Variants in RBM33 observed in about 807,000 individuals in gnomAD.
The protein encoded by RBM33 is RNA binding motif protein 33.
RBM33 carries 28 observed loss-of-function variants against 132.6 expected under a neutral mutation model. That is an observed-to-expected ratio of 0.21 (90% CI 0.16 to 0.29). RBM33 has a LOEUF of 0.29. RBM33 is among the 10% of genes least tolerant of loss of function. The probability of loss-of-function intolerance (pLI) is 1.00; values close to 1 mark genes in which losing one functional copy is unlikely to be tolerated. For synonymous variants in RBM33, 634 were observed against 593.0 expected (o/e 1.07, Z -1.01); for missense variants, 1,291 against 1,518.5 (o/e 0.85, Z 2.49).
chr7:155,674,791 A>G (rs1237802873), intron 3 of RBM33, among the ~76,000 whole-genome samples: 1 of 152,190 alleles, frequency 6.6e-6, no homozygotes, highest in Non-Finnish European at 1.5e-5. Flanking sequence ...GAGGGGCTGT[A>G]TCTGCTTTGG....
chr7:155,759,412 G>GTT (rs1801955596), intron 14 of RBM33, among the ~76,000 whole-genome samples: 1 of 128,646 alleles, frequency 7.8e-6, no homozygotes, highest in Admixed American at 7.6e-5. Context: ...CAATGTTTAT[G>GTT]TTCTTTTTTT....
chr7:155,676,938 A>C (rs1799200388), intron 3 of RBM33, among the ~76,000 whole-genome samples: 1 of 152,220 alleles, frequency 6.6e-6, no homozygotes, highest in Non-Finnish European at 1.5e-5. Context: ...TATTTGCTTG[A>C]TGCCTTCTTG....
intron 1 of RBM33, among the ~76,000 whole-genome samples, chr7:155,653,323 G>A (rs1393639298): frequency 6.6e-6 from 1 of 152,102 alleles, no homozygotes; most frequent in African/African-American, 2.4e-5. Context: ...TCTAAATAAG[G>A]CCACATTCTG....
chr7:155,660,310 A>G (rs1392778675), intron 1 of RBM33, among the ~76,000 whole-genome samples: 1 of 152,210 alleles, frequency 6.6e-6, no homozygotes, highest in Admixed American at 6.5e-5. Context: ...CCTGGCCTCA[A>G]GCGACTACCT....
At chr7:155,759,095 A>G (rs541238001) in intron 14 of RBM33, among the ~76,000 whole-genome samples, 1 of 152,246 alleles carries the variant, frequency 6.6e-6, no homozygotes, top group African/African-American at 2.4e-5. Flanking sequence ...GAAAGTCGTC[A>G]ACGAGGTATG....
At chr7:155,705,247 A>G (rs751436584) in intron 6 of RBM33, among the ~76,000 whole-genome samples, 1 of 152,286 alleles carries the variant, frequency 6.6e-6, no homozygotes, top group African/African-American at 2.4e-5. Flanking sequence ...GCTTGTCTCA[A>G]TTGGAGGAAA....
Position 155,700,762 on chromosome 7 carries a change from C to A in RBM33, c.568-11C>A. ...ACTGTCCTTTTTTTGCCTTGTGTAT[C>A]TGCAATATAGGGAGGTATGGAAACA... On this transcript the variant is annotated splice_polypyrimidine_tract_variant and intron_variant, in intron 5 of 17. Transcript: ENST00000401878. 1.3e-6 allele frequency: 2 copies of A among 1,541,566 alleles called. No individual in the cohort carries two copies. Among genetic ancestry groups the A allele is most frequent in the South Asian group, 2.5e-5 (2 of 81,592 alleles).
chr7:155,675,764 C>T (rs1414765760), intron 3 of RBM33, among the ~76,000 whole-genome samples: 2 of 152,146 alleles, frequency 1.3e-5, no homozygotes, highest in African/African-American at 4.8e-5. Flanking sequence ...GAATTCTGGC[C>T]TGAGGGTGGA....
At chr7:155,657,720 GT>G (rs1798530917) in intron 1 of RBM33, among the ~76,000 whole-genome samples, 3 of 152,136 alleles carry the variant, frequency 2.0e-5, no homozygotes, top group African/African-American at 4.8e-5. Context: ...TTGTGATTAA[GT>G]ACTAATTTCT....
chr7:155,741,923 G>C lies in RBM33; in HGVS notation c.2154G>C (p.Val718=). The part of the protein sequence containing the change: ...LRELPIAPSH[V]IEMSSSRCSA... ...AATTACCCATAGCGCCGTCACACGT[G>C]ATAGAAATGAGCAGCAGCCGCTGCT... Residue 718 remains valine, a synonymous_variant, in exon 13 of 18, where the codon GTG becomes GTC. Transcript: ENST00000401878. The C allele has an allele frequency of 6.2e-7, 1 of 1,614,002 alleles. No individual in the cohort carries two copies. The highest frequency in any genetic ancestry group is 8.5e-7 in the Non-Finnish European group (1 of 1,179,888).
At chr7:155,698,222 C>T (rs555558841) in intron 5 of RBM33, among the ~76,000 whole-genome samples, 51 of 152,206 alleles carry the variant, frequency 3.4e-4, no homozygotes, top group African/African-American at 1.1e-3. Flanking sequence ...CAAAAATTAG[C>T]CTGGCGTGGT....
chr7:155,712,433 A>G (rs1262697945), intron 8 of RBM33, among the ~76,000 whole-genome samples: 1 of 152,246 alleles, frequency 6.6e-6, no homozygotes, highest in Admixed American at 6.5e-5. Flanking sequence ...TTCTTCAACC[A>G]TGATATTACT....
rs1279003872 is a variant in RBM33 at position 155,777,324 on chromosome 7, GAAAGGTGATTGGC to G, written c.*2288_*2300del. 1 of 152,348 alleles carries G rather than the reference GAAAGGTGATTGGC, an allele frequency of 6.6e-6. No homozygotes were observed. Among genetic ancestry groups the G allele is most frequent in the Non-Finnish European group, 1.5e-5 (1 of 68,056 alleles). 9.4% of individuals were successfully genotyped at this position (152,348 alleles called of 1,614,324 possible). A position where few individuals can be genotyped will look rare whatever the true frequency, so the allele number is the denominator to read the frequency against. On this transcript the variant is annotated 3_prime_UTR_variant, in exon 18 of 18. Transcript: ENST00000401878. ...GCAGACTTTCTCATAGAATGTTCTT[GAAAGGTGATTGGC>G]AAAGTCATGCAGGCCCGCCTTAAAG...
At chr7:155,717,633 G>A (rs566435029) in intron 8 of RBM33, among the ~76,000 whole-genome samples, 4 of 152,262 alleles carry the variant, frequency 2.6e-5, no homozygotes, top group East Asian at 1.9e-4. Context: ...GCTGTAAGAC[G>A]TAGCTGCACT....
Position 155,741,805 on chromosome 7 carries a change from C to T in RBM33, c.2050-14C>T, listed in dbSNP as rs536427623. On this transcript the variant is annotated splice_polypyrimidine_tract_variant and intron_variant, in intron 12 of 17. Coordinates refer to ENST00000401878, the MANE Select transcript of RBM33 (RefSeq NM_053043.3). ...TTCCACTTACAATTAGAATCTCTTT[C>T]TTTTTGTGAAAAGAATACAACTTCT... 6.3e-7 allele frequency: 1 copy of T among 1,593,088 alleles called. No individual in the cohort carries two copies. The highest frequency in any genetic ancestry group is 1.7e-4 in the Middle Eastern group (1 of 5,978).
At chr7:155,717,889 AG>A (rs1354597702) in intron 8 of RBM33, among the ~76,000 whole-genome samples, 1 of 152,206 alleles carries the variant, frequency 6.6e-6, no homozygotes, top group Non-Finnish European at 1.5e-5. Context: ...AATTTTTAAC[AG>A]TTTGTGAGCA....
intron 9 of RBM33, among the ~76,000 whole-genome samples, chr7:155,731,523 A>C (rs937213486): frequency 4.6e-5 from 7 of 152,202 alleles, no homozygotes; most frequent in Non-Finnish European, 8.8e-5. Flanking sequence ...TCTAATAACC[A>C]AGACGTTGAC....
In RBM33 at chr7:155,738,382, A is replaced by G; in HGVS notation, c.1716A>G (p.Thr572=). 1 of 1,613,600 alleles carries G rather than the reference A, an allele frequency of 6.2e-7. No individual in the cohort carries two copies. The highest frequency in any genetic ancestry group is 8.5e-7 in the Non-Finnish European group (1 of 1,179,624). ...LPGPGQPFLP[T]HTQPNLQGPL... ...GCCCAGGACAGCCGTTTCTGCCCAC[A>G]CACACACAGCCCAACCTGCAGGTAA... The change falls in exon 11 of 18, where the codon ACA becomes ACG. Residue 572 remains threonine, a synonymous_variant. Coordinates refer to ENST00000401878, the MANE Select transcript of RBM33 (RefSeq NM_053043.3).
intron 14 of RBM33, among the ~76,000 whole-genome samples, chr7:155,746,208 A>G (rs115646529): frequency 0.058 from 8,770 of 152,170 alleles, 248 homozygotes; most frequent in African/African-American, 0.079. Flanking sequence ...TTTGGAAATA[A>G]ATTTTCCTTT....
Sources: allele counts gnomAD v4.1 joint callset (sites outside exome capture counted in the v4.1 genomes callset), GRCh38; gene constraint gnomAD v4.1.1; transcripts MANE v1.5; gene names NCBI Gene and HGNC (gene_info 2026-07-23, HGNC 2026-07-21).